ZNF546: variants seen among roughly 807,000 people sequenced by gnomAD.
ZNF546 encodes zinc finger protein 546.
A neutral mutation model predicts 76.2 loss-of-function variants in ZNF546; 60 were observed. That is an observed-to-expected ratio of 0.79 (90% CI 0.64 to 0.98). The LOEUF is 0.98. Among genes scored for constraint, ZNF546 ranks in the 50% least tolerant of loss-of-function variants. The pLI, the probability that ZNF546 is intolerant of heterozygous loss-of-function variation, is 0.00. For missense variants in ZNF546, 936 were observed against 1,035.6 expected (o/e 0.90, Z 1.32); for synonymous variants, 277 against 328.1 (o/e 0.84, Z 1.68).
intron 3 of ZNF546, among the ~76,000 whole-genome samples, chr19:39,998,702 C>T (rs570661807): frequency 2.4e-4 from 37 of 152,216 alleles, no homozygotes; most frequent in Non-Finnish European, 4.9e-4. Flanking sequence ...TATTTTTATA[C>T]AGAGTTAGTC....
chr19:40,008,968 C>T (rs2144645155), intron 6 of ZNF546, among the ~76,000 whole-genome samples: 1 of 152,258 alleles, frequency 6.6e-6, no homozygotes, highest in Middle Eastern at 3.4e-3. Flanking sequence ...TTAGGCACTA[C>T]TGATAGACAC....
intron 3 of ZNF546, chr19:39,998,678 C>A: frequency 2.4e-6 from 1 of 419,296 alleles, no homozygotes; most frequent in Non-Finnish European, 4.3e-6. Flanking sequence ...CCAAGGAATC[C>A]ATGAGTTGAG....
chr19:40,012,859 C>G (rs234310), intron 6 of ZNF546, among the ~76,000 whole-genome samples: 30,011 of 151,030 alleles, frequency 0.2, 6,433 homozygotes, highest in African/African-American at 0.54. Context: ...TGTCACCCAG[C>G]CTGGAGTGCA....
chr19:40,013,218 T>C (rs1390961240), intron 6 of ZNF546, among the ~76,000 whole-genome samples: 1 of 152,250 alleles, frequency 6.6e-6, no homozygotes, highest in East Asian at 1.9e-4. Flanking sequence ...CAGCAAACTA[T>C]AGCCCATGAG....
At position 40,008,496 on chromosome 19, in the gene ZNF546, A is replaced by G; in HGVS notation, c.325A>G (p.Ile109Val). ...LGYTIPKPDV[I>V]TLLEQEKEPW... ...ATATACCATTCCTAAGCCAGATGTGATTACTTTATTGGAGCAAGAGAAAGA... is the reference window on the plus strand; with the variant it reads ...ATATACCATTCCTAAGCCAGATGTGGTTACTTTATTGGAGCAAGAGAAAGA... The change falls in exon 6 of 7, where the codon ATT becomes GTT. Residue 109 changes from isoleucine (I) to valine (V), a missense_variant. Transcript: ENST00000347077. 1 of 1,612,162 alleles carries G rather than the reference A, an allele frequency of 6.2e-7. No individual in the cohort carries two copies. The highest frequency in any genetic ancestry group is 1.7e-5 in the Admixed American group (1 of 60,020).
At position 40,015,278 on chromosome 19, in the gene ZNF546, T is replaced by C. The variant is rs754387093; in HGVS notation, c.2008T>C (p.Cys670Arg). 1.9e-6 allele frequency: 3 copies of C among 1,614,082 alleles called. No individual in the cohort carries two copies. Among genetic ancestry groups the C allele is most frequent in the South Asian group, 1.1e-5 (1 of 91,080 alleles). ...TGAGAAACCCTACGAATGTACGGAA[T>C]GTGGGAAGACGTTTAGTCGGCACTA... ...TGEKPYECTE[C>R]GKTFSRHYHL... is the part of the protein sequence containing the mutation. The change falls in exon 7 of 7, where the codon TGT (cysteine) becomes CGT (arginine). Residue 670 changes from cysteine to arginine, a missense_variant. Physicochemically the swap from Cys to Arg is radical, Grantham distance 180 (BLOSUM62 -3). Coordinates refer to ENST00000347077, the MANE Select transcript of ZNF546 (RefSeq NM_178544.5).
rs1971616046 is a variant in ZNF546 at position 40,007,329 on chromosome 19, G to C, written c.227G>C (p.Cys76Ser). The C allele has an allele frequency of 6.2e-7, 1 of 1,607,130 alleles. No homozygotes were observed. Among genetic ancestry groups the C allele is most frequent in the South Asian group, 1.1e-5 (1 of 90,084 alleles). The change falls in exon 5 of 7, where the codon TGC becomes TCC. Residue 76 changes from cysteine (C) to serine (S), a missense_variant. Cys to Ser is a moderately radical substitution (Grantham distance 112). Transcript: ENST00000347077. ...GACCTCTCCCAAGAGGAGTGGGAGT[G>C]CCTGGACGCTGTGCAGAGGGACTTG... ...SIDLSQEEWE[C>S]LDAVQRDLYK...
At chr19:40,001,704 G>A (rs1216647214) in intron 3 of ZNF546, among the ~76,000 whole-genome samples, 2 of 152,104 alleles carry the variant, frequency 1.3e-5, no homozygotes, top group African/African-American at 4.8e-5. Flanking sequence ...TCTGTTTTAC[G>A]AATGTTGTTA....
chr19:40,003,181 G>T (rs1219605556), intron 3 of ZNF546, among the ~76,000 whole-genome samples: 2 of 151,674 alleles, frequency 1.3e-5, no homozygotes, highest in South Asian at 4.1e-4. Context: ...GACTACAGGC[G>T]CCTGCCACCA....
chr19:40,008,354 G>C, intron 5 of ZNF546, 116 bp from the exon 6 acceptor site: 1 of 663,970 alleles, frequency 1.5e-6, no homozygotes, highest in Non-Finnish European at 2.5e-6. Flanking sequence ...GCATTGTCTA[G>C]TACCATTTTC....
intron 3 of ZNF546, among the ~76,000 whole-genome samples, chr19:40,000,615 C>CAAAA (rs550470156): frequency 5.3e-5 from 3 of 56,774 alleles, no homozygotes; most frequent in African/African-American, 1.2e-4. Context: ...GACTCTGTCT[C>CAAAA]AAAAAAAAAA....
At chr19:40,005,245 C>G (rs1286712613) in intron 3 of ZNF546, among the ~76,000 whole-genome samples, 2 of 151,808 alleles carry the variant, frequency 1.3e-5, no homozygotes, top group Non-Finnish European at 2.9e-5. Flanking sequence ...GTTTCGAACT[C>G]CTGACCTCAA....
rs549344864 is a variant in ZNF546 at position 40,004,192 on chromosome 19, C to T, written c.85-1904C>T. Among the ~76,000 whole-genome samples the T allele has an allele frequency of 7.4e-5, 11 of 149,410 alleles. No individual in the cohort carries two copies. The East Asian group carries it at 1.2e-3, about 16-fold the overall frequency. On this transcript the variant is annotated intron_variant, in intron 3 of 6. Transcript: ENST00000347077. ...TTTTCCTTCAAGTTGAAGAGAAGAT[C>T]GTTCAACAAAGGAAAGGCTTTCTCT...
In ZNF546 at chr19:40,016,957, AC is replaced by A. The variant is rs1287648081; in HGVS notation, c.*1178del. 12 of 152,332 alleles carry A rather than the reference AC, an allele frequency of 7.9e-5. No homozygotes were observed. The East Asian group carries it at 2.3e-3, about 29-fold the overall frequency. 9.4% of individuals were successfully genotyped at this position (152,332 alleles called of 1,614,324 possible). A position where few individuals can be genotyped will look rare whatever the true frequency, so the allele number is the denominator to read the frequency against. On this transcript the variant is annotated 3_prime_UTR_variant, in exon 7 of 7. Coordinates refer to ENST00000347077, the MANE Select transcript of ZNF546 (RefSeq NM_178544.5). The stretch of plus-strand genomic sequence containing the variant: ...GGATGAAATGCTAATAAAAGATAAA[AC>A]CTTTAAAAGAGTATTTGGCACACAG...
In ZNF546 at chr19:39,998,263, C is replaced by A; in HGVS notation, c.-64C>A. 7.8e-7 allele frequency: 1 copy of A among 1,287,720 alleles called. No homozygotes were observed. The highest frequency in any genetic ancestry group is 1.1e-6 in the Non-Finnish European group (1 of 898,094). The allele number at this position is 1,287,720 out of a possible 1,614,324, so 79.8% of individuals were successfully genotyped here. A position where few individuals can be genotyped will look rare whatever the true frequency, so the allele number is the denominator to read the frequency against. ...TTGTTTTTAGGAAATGGAAACATTG[C>A]TTTGCTTTTCCTGAATTGTCCAGTG... On this transcript the variant is annotated 5_prime_UTR_variant, in exon 3 of 7. Transcript: ENST00000347077.
chr19:40,016,153 T>C lies in ZNF546; in HGVS notation c.*372T>C, dbSNP rs764945334. 5 of 227,488 alleles carry C rather than the reference T, an allele frequency of 2.2e-5. No homozygotes were observed. Among genetic ancestry groups the C allele is most frequent in the Non-Finnish European group, 4.4e-5 (5 of 114,056 alleles). The allele number at this position is 227,488 out of a possible 1,614,324, so 14.1% of individuals were successfully genotyped here. A position where few individuals can be genotyped will look rare whatever the true frequency, so the allele number is the denominator to read the frequency against. ...GGCAACATAGTGAGACCCTGCCTCA[T>C]GGCTTTAGTGAGCCATGATTGTGCC... On this transcript the variant is annotated 3_prime_UTR_variant, in exon 7 of 7. Coordinates refer to ENST00000347077, the MANE Select transcript of ZNF546 (RefSeq NM_178544.5).
intron 6 of ZNF546, among the ~76,000 whole-genome samples, chr19:40,011,656 C>T (rs1227998975): frequency 1.3e-5 from 2 of 152,182 alleles, no homozygotes; most frequent in Non-Finnish European, 2.9e-5. Flanking sequence ...ATACCAAAAC[C>T]AGACAAAGGC....
At position 40,019,563 on chromosome 19, in the gene ZNF546, A is replaced by C. The variant is rs1423787295; in HGVS notation, c.*3782A>C. 5 of 152,216 alleles carry C rather than the reference A, an allele frequency of 3.3e-5. No individual in the cohort carries two copies. Among genetic ancestry groups the C allele is most frequent in the African/African-American group, 1.2e-4 (5 of 41,466 alleles). The allele number at this position is 152,216 out of a possible 1,614,324, so 9.4% of individuals were successfully genotyped here. ...AATTGGATGTAAGTACAGATGGAGG[A>C]GATATTTTTTGTTTTATTGAAAATT... On this transcript the variant is annotated 3_prime_UTR_variant, in exon 7 of 7. Transcript: ENST00000347077.
chr19:40,016,039 C>T lies in ZNF546; in HGVS notation c.*258C>T. 1 of 468,510 alleles carries T rather than the reference C, an allele frequency of 2.1e-6. No individual in the cohort carries two copies. The highest frequency in any genetic ancestry group is 3.6e-5 in the Admixed American group (1 of 27,806). 29.0% of individuals were successfully genotyped at this position (468,510 alleles called of 1,614,324 possible). A position where few individuals can be genotyped will look rare whatever the true frequency, so the allele number is the denominator to read the frequency against. ...TACAAACTGTTGTTGAACAGTGCTTCTCTAAAATGCAATAATAATGGGCCA... is the reference window on the plus strand; with the variant it reads ...TACAAACTGTTGTTGAACAGTGCTTTTCTAAAATGCAATAATAATGGGCCA... On this transcript the variant is annotated 3_prime_UTR_variant, in exon 7 of 7. Coordinates refer to ENST00000347077, the MANE Select transcript of ZNF546 (RefSeq NM_178544.5).
Sources: allele counts gnomAD v4.1 joint callset (sites outside exome capture counted in the v4.1 genomes callset), GRCh38; gene constraint gnomAD v4.1.1; transcripts MANE v1.5; gene names NCBI Gene and HGNC (gene_info 2026-07-23, HGNC 2026-07-21).